NEIL3: variants seen among roughly 807,000 people sequenced by gnomAD.
NEIL3 encodes the protein endonuclease 8-like 3.
In NEIL3, 48 loss-of-function variants were observed where a neutral mutation model predicts 57.5. That is an observed-to-expected ratio of 0.83 (90% CI 0.66 to 1.06). The LOEUF (loss-of-function observed/expected upper bound fraction) is 1.06. Ranked by LOEUF, NEIL3 falls within the 50% of genes least tolerant of loss-of-function variation. The probability of loss-of-function intolerance (pLI) is 0.00; values close to 1 mark genes in which losing one functional copy is unlikely to be tolerated. For missense variants in NEIL3, 717 were observed against 739.1 expected (o/e 0.97, Z 0.35); for synonymous variants, 261 against 253.2 (o/e 1.03, Z -0.29).
chr4:177,341,519 A>G lies in NEIL3; in HGVS notation c.746A>G (p.Tyr249Cys). The part of the protein sequence containing the change: ...GLALSKHYKV[Y>C]KRPNCGQCHC... ...GCTCTCTCTAAACACTATAAGGTTT[A>G]CAAGCGTCCTAATTGTGGTCAGTGC... The change falls in exon 6 of 10, where the codon TAC becomes TGC. Residue 249 changes from tyrosine to cysteine, a missense_variant. Physicochemically the swap from Tyr to Cys is radical, Grantham distance 194. Coordinates refer to ENST00000264596, the MANE Select transcript of NEIL3 (RefSeq NM_018248.3). 6.2e-7 allele frequency: 1 copy of G among 1,613,088 alleles called. No homozygotes were observed. Among genetic ancestry groups the G allele is most frequent in the Non-Finnish European group, 8.5e-7 (1 of 1,179,798 alleles).
downstream of NEIL3, among the ~76,000 whole-genome samples, chr4:177,366,236 T>C (rs1403340431): frequency 9.8e-5 from 15 of 152,356 alleles, no homozygotes; most frequent in East Asian, 2.7e-3. Context: ...GGTAGATATA[T>C]GTGACAACTA....
chr4:177,370,415 C>A, the NEIL3 span, among the ~76,000 whole-genome samples: 1 of 152,118 alleles, frequency 6.6e-6, no homozygotes, highest in Non-Finnish European at 1.5e-5. Context: ...GGTTTCACCC[C>A]ATGATGGATC....
intron 4 of NEIL3, 105 bp from the exon 5 acceptor site, chr4:177,339,678 C>A: frequency 1.3e-6 from 1 of 751,106 alleles, no homozygotes; most frequent in South Asian, 1.7e-5. Flanking sequence ...CAGCTGTATT[C>A]AAAATCTATT....
intron 1 of NEIL3, among the ~76,000 whole-genome samples, chr4:177,314,442 G>A (rs1560906257): frequency 6.6e-6 from 1 of 152,086 alleles, no homozygotes; most frequent in Non-Finnish European, 1.5e-5. Flanking sequence ...AGCTTATTTG[G>A]TCAGGATTAA....
intron 1 of NEIL3, among the ~76,000 whole-genome samples, chr4:177,313,263 C>G (rs2111108574): frequency 6.6e-6 from 1 of 152,222 alleles, no homozygotes; most frequent in East Asian, 1.9e-4. Context: ...TAGTTATTGC[C>G]ATAATGGACT....
chr4:177,361,936 G>C (rs1012957821), intron 9 of NEIL3, among the ~76,000 whole-genome samples: 2 of 152,020 alleles, frequency 1.3e-5, no homozygotes, highest in Non-Finnish European at 1.5e-5. Context: ...TGATCTTACA[G>C]GTTTAACTGA....
chr4:177,336,404 TC>T (rs1734980152), intron 4 of NEIL3, 83 bp downstream of exon 4: 3 of 1,010,172 alleles, frequency 3.0e-6, no homozygotes, highest in Non-Finnish European at 4.5e-6. Context: ...ACTCTGCATT[TC>T]AGTAACACAG....
At chr4:177,327,647 C>G (rs1303308448) in intron 2 of NEIL3, among the ~76,000 whole-genome samples, 1 of 152,024 alleles carries the variant, frequency 6.6e-6, no homozygotes, top group Non-Finnish European at 1.5e-5. Context: ...GCCAGGACCC[C>G]CAGCATGATG....
Position 177,316,777 on chromosome 4 carries a change from G to A in NEIL3, c.157-5682G>A, listed in dbSNP as rs575074748. 1.3e-4 allele frequency among the ~76,000 whole-genome samples: 20 copies of A among 152,302 alleles called. No homozygotes were observed. The South Asian group carries it at 4.1e-3, about 32-fold the overall frequency. ...GAGAGCTTATAGACAGGGGAGAAATGCAAGTCACAGACAAGTAATAATTCA... is the reference window on the plus strand; with the variant it reads ...GAGAGCTTATAGACAGGGGAGAAATACAAGTCACAGACAAGTAATAATTCA... On this transcript the variant is annotated intron_variant, in intron 1 of 9. Transcript: ENST00000264596.
chr4:177,330,893 C>T (rs1224118886), intron 2 of NEIL3, among the ~76,000 whole-genome samples: 1 of 152,086 alleles, frequency 6.6e-6, no homozygotes, highest in Non-Finnish European at 1.5e-5. Flanking sequence ...TTCCAGTGCT[C>T]ACTTGCCACA....
At chr4:177,332,189 C>A (rs1734897211) in intron 2 of NEIL3, among the ~76,000 whole-genome samples, 1 of 152,176 alleles carries the variant, frequency 6.6e-6, no homozygotes, top group African/African-American at 2.4e-5. Flanking sequence ...CAAACTCTGC[C>A]TTGCACCTGT....
intron 9 of NEIL3, 83 bp downstream of exon 9, chr4:177,360,760 A>G: frequency 9.2e-7 from 1 of 1,090,838 alleles, no homozygotes; most frequent in Non-Finnish European, 1.3e-6. Context: ...ATACTTTCCT[A>G]GTTTTACCTT....
intron 9 of NEIL3, among the ~76,000 whole-genome samples, chr4:177,361,773 C>T (rs1043700120): frequency 6.6e-6 from 1 of 152,070 alleles, no homozygotes; most frequent in African/African-American, 2.4e-5. Flanking sequence ...AATCTTTGAT[C>T]TTACAGGGTT....
At chr4:177,339,418 C>T (rs1026600560) in intron 4 of NEIL3, among the ~76,000 whole-genome samples, 1 of 152,162 alleles carries the variant, frequency 6.6e-6, no homozygotes, top group Non-Finnish European at 1.5e-5. Context: ...GATGATGCTG[C>T]TGCACTCCAG....
At chr4:177,365,274 C>T (rs1476532666), downstream of NEIL3, among the ~76,000 whole-genome samples, 1 of 151,966 alleles carries the variant, frequency 6.6e-6, no homozygotes, top group African/African-American at 2.4e-5. Context: ...TGTGAGTTGC[C>T]CTGTCATGTG....
At chr4:177,360,824 T>G in intron 9 of NEIL3, 147 bp downstream of exon 9, 1 of 571,950 alleles carries the variant, frequency 1.7e-6, no homozygotes. Flanking sequence ...GCTTGAATGT[T>G]GACTAACTTA....
intron 2 of NEIL3, 57 bp from the exon 3 acceptor site, chr4:177,335,631 A>G (rs1734959261): frequency 1.3e-6 from 2 of 1,550,256 alleles, no homozygotes; most frequent in Non-Finnish European, 1.8e-6. Context: ...GTACAGGAAA[A>G]AAGCTTGATA....
chr4:177,320,462 C>CT (rs1560908362), intron 1 of NEIL3, among the ~76,000 whole-genome samples: 2 of 110,694 alleles, frequency 1.8e-5, no homozygotes, highest in Non-Finnish European at 1.8e-5. Flanking sequence ...GAAGTGACTG[C>CT]TGTCTTTTTT....
intron 6 of NEIL3, among the ~76,000 whole-genome samples, chr4:177,346,964 T>C (rs1390339820): frequency 6.9e-6 from 1 of 145,686 alleles, no homozygotes; most frequent in African/African-American, 2.6e-5. Flanking sequence ...ATCGCGCCAA[T>C]GCACTTCACC....
Sources: allele counts gnomAD v4.1 joint callset (sites outside exome capture counted in the v4.1 genomes callset), GRCh38; gene constraint gnomAD v4.1.1; transcripts MANE v1.5; gene names NCBI Gene and HGNC (gene_info 2026-07-23, HGNC 2026-07-21).